Variants in MAP3K5 observed in about 807,000 individuals in gnomAD.
MAP3K5 encodes mitogen-activated protein kinase kinase kinase 5.
In MAP3K5, 56 loss-of-function variants were observed where a neutral mutation model predicts 158.7. That is an observed-to-expected ratio of 0.35 (90% confidence interval 0.28 to 0.44). MAP3K5 has a LOEUF of 0.44. Ranked by LOEUF, MAP3K5 falls within the 20% of genes least tolerant of loss-of-function variation. The pLI is 1.00. For synonymous variants in MAP3K5, 579 were observed against 601.7 expected (o/e 0.96, Z 0.55); for missense variants, 1,294 against 1,674.8 (o/e 0.77, Z 3.97).
intron 28 of MAP3K5, 29 bp downstream of exon 28, chr6:136,561,497 TGAAAGAA>T: frequency 6.8e-7 from 1 of 1,465,650 alleles, no homozygotes; most frequent in South Asian, 1.1e-5. Context: ...TGAAACGAAG[TGAAAGAA>T]TACTTGTCCC....
chr6:136,786,800 CTTTTTTTTT>C (rs11296757), intron 1 of MAP3K5, among the ~76,000 whole-genome samples: 2 of 101,186 alleles, frequency 2.0e-5, no homozygotes, highest in African/African-American at 8.1e-5. Context: ...TTAAGTTCTT[CTTTTTTTTT>C]TTTTTTTTTT....
At chr6:136,721,267 T>C (rs1781738687) in intron 1 of MAP3K5, among the ~76,000 whole-genome samples, 2 of 150,218 alleles carry the variant, frequency 1.3e-5, no homozygotes, top group African/African-American at 2.5e-5. Context: ...CAGTAACATA[T>C]ATAAAACGAG....
intron 7 of MAP3K5, among the ~76,000 whole-genome samples, chr6:136,674,948 T>C (rs770556674): frequency 2.0e-5 from 3 of 151,948 alleles, no homozygotes; most frequent in Non-Finnish European, 4.4e-5. Context: ...AAGCATTTTA[T>C]ATAGAAAAGA....
Position 136,580,344 on chromosome 6 carries a change from G to T in MAP3K5, c.3474C>A (p.Ile1158=). ...TGGCTGTCTGTACCGCCTTCCGAAT[G>T]ATACTGTCTAAGGCAAACATCCAGT... ...KPHWMFALDS[I]IRKAVQTAIT... The change falls in exon 25 of 30, where the codon ATC becomes ATA. Residue 1158 remains isoleucine, a synonymous_variant. Transcript: ENST00000359015. 1.2e-6 allele frequency: 2 copies of T among 1,613,772 alleles called. No homozygotes were observed. Among genetic ancestry groups the T allele is most frequent in the South Asian group, 1.1e-5 (1 of 91,058 alleles).
rs1197113717 is a variant in MAP3K5, at chr6:136,694,277, A to T, written c.1116T>A (p.Leu372=). Residue 372 remains leucine (L), a synonymous_variant, in exon 7 of 30, where the codon CTT becomes CTA. Transcript: ENST00000359015. ...RNLPGDRAKA[L]DIMIPMVQSE... ...TTTGCACCATGGGAATCATAATATC[A>T]AGAGCTTTTGCTCTGTCACCAGGGA... 43 of 1,612,684 alleles carry T rather than the reference A, an allele frequency of 2.7e-5. No individual in the cohort carries two copies. The highest frequency in any genetic ancestry group is 3.6e-5 in the Non-Finnish European group (43 of 1,179,858).
chr6:136,756,745 A>T (rs2114948254), intron 1 of MAP3K5, among the ~76,000 whole-genome samples: 1 of 152,290 alleles, frequency 6.6e-6, no homozygotes, highest in South Asian at 2.1e-4. Context: ...GTTTCCACAA[A>T]CTGATGGGAG....
chr6:136,605,128 A>C, intron 19 of MAP3K5, 81 bp downstream of exon 19: 1 of 1,425,212 alleles, frequency 7.0e-7, no homozygotes, highest in Non-Finnish European at 9.6e-7. Context: ...TTTATCTAAA[A>C]AAATATGACA....
rs1830301774 is a variant in MAP3K5 at position 136,557,510 on chromosome 6, AC to A, written c.*247del. On this transcript the variant is annotated 3_prime_UTR_variant, in exon 30 of 30. Transcript: ENST00000359015. ...AATGCTTAGATTAAAATCTTCCTGA[AC>A]ATTAGGGTTCTAATGTTCAGGATTA... is the stretch of plus-strand genomic sequence containing the variant. 2.7e-6 allele frequency: 1 copy of A among 364,586 alleles called. No homozygotes were observed. The highest frequency in any genetic ancestry group is 4.9e-6 in the Non-Finnish European group (1 of 202,374). The allele number at this position is 364,586 out of a possible 1,614,324, so 22.6% of individuals were successfully genotyped here.
chr6:136,737,264 T>C (rs1209886386), intron 1 of MAP3K5, among the ~76,000 whole-genome samples: 1 of 151,232 alleles, frequency 6.6e-6, no homozygotes, highest in Non-Finnish European at 1.5e-5. Flanking sequence ...GGGGCGAGGG[T>C]TGAAGAACTA....
rs557665060 is a variant in MAP3K5 at position 136,629,844 on chromosome 6, T to C, written c.2017-6863A>G. On this transcript the variant is annotated intron_variant, in intron 14 of 29. Transcript: ENST00000359015. The stretch of plus-strand genomic sequence containing the variant: ...ACTCTGTCGCCCAGGCTGGAGTGCC[T>C]AGGTTCAAGCGATTCTCCTGCTTTA... Among the ~76,000 whole-genome samples, 3 of 151,578 alleles carry C rather than the reference T, an allele frequency of 2.0e-5. No homozygotes were observed. The South Asian group carries it at 6.3e-4, about 32-fold the overall frequency.
chr6:136,636,198 G>A (rs145684394), intron 14 of MAP3K5, among the ~76,000 whole-genome samples: 7 of 152,172 alleles, frequency 4.6e-5, no homozygotes, highest in Admixed American at 1.3e-4. Flanking sequence ...TGAAGGCAGA[G>A]CAGGGTAACA....
In MAP3K5 at chr6:136,613,842, C is replaced by T. The variant is rs77910784; in HGVS notation, c.2278+317G>A. Among the ~76,000 whole-genome samples, 1,838 of 152,174 alleles carry T rather than the reference C, an allele frequency of 0.012. 29 individuals are homozygous for T. Among genetic ancestry groups the T allele is most frequent in the Non-Finnish European group, 0.017 (1,159 of 68,016 alleles). ...TGACTTTGGGTAGAAGATGTTGCCA[C>T]CCTGTTAGTCTTCAGCTTATATAAG... On this transcript the variant is annotated intron_variant, in intron 16 of 29. Transcript: ENST00000359015. The surrounding 1 kb of genome is among the most constrained non-coding windows in gnomAD (Gnocchi z 4.0).
intron 1 of MAP3K5, among the ~76,000 whole-genome samples, chr6:136,777,761 T>C (rs921732221): frequency 6.6e-6 from 1 of 152,066 alleles, no homozygotes; most frequent in African/African-American, 2.4e-5. Flanking sequence ...CATCTGCCTT[T>C]ATTATCTAAA....
chr6:136,728,709 T>G (rs1447542359), intron 1 of MAP3K5, among the ~76,000 whole-genome samples: 1 of 152,248 alleles, frequency 6.6e-6, no homozygotes, highest in Non-Finnish European at 1.5e-5. Flanking sequence ...CATTCTCATA[T>G]TGCCAAAGCA....
Position 136,612,670 on chromosome 6 carries a change from A to G in MAP3K5, c.2415+450T>C, listed in dbSNP as rs73777941. On this transcript the variant is annotated intron_variant, in intron 17 of 29. Coordinates refer to ENST00000359015, the MANE Select transcript of MAP3K5 (RefSeq NM_005923.4). ...ATCTATACCTTATAATTATAGTTAA[A>G]TCAATGAATATGTGATACTTGTGAG... Among the ~76,000 whole-genome samples the G allele has an allele frequency of 2.1e-3, 326 of 152,370 alleles. 3 individuals are homozygous for G. Among genetic ancestry groups the G allele is most frequent in the African/African-American group, 7.7e-3 (322 of 41,582 alleles).
intron 10 of MAP3K5, among the ~76,000 whole-genome samples, chr6:136,653,542 G>T (rs1778612011): frequency 6.6e-6 from 1 of 152,132 alleles, no homozygotes; most frequent in Admixed American, 6.6e-5. Flanking sequence ...GTACTAAAAG[G>T]CTGCCTTTCT....
At chr6:136,715,802 G>A (rs1781492610) in intron 2 of MAP3K5, among the ~76,000 whole-genome samples, 1 of 151,866 alleles carries the variant, frequency 6.6e-6, no homozygotes, top group East Asian at 1.9e-4. Context: ...AGGCCAACGG[G>A]GGCGGATTGC....
Position 136,621,861 on chromosome 6 carries a change from C to T in MAP3K5, c.2150+987G>A, listed in dbSNP as rs193219056. Among the ~76,000 whole-genome samples the T allele has an allele frequency of 2.1e-4, 32 of 152,094 alleles. 1 individual carries two copies. The East Asian group carries it at 5.6e-3, about 27-fold the overall frequency. ...CAGCACTTTGGGAGGCCGAGGCGGG[C>T]GGATCACGAGGTCAGGAGATCAAGA... is the stretch of plus-strand genomic sequence containing the variant. On this transcript the variant is annotated intron_variant, in intron 15 of 29. Coordinates refer to ENST00000359015, the MANE Select transcript of MAP3K5 (RefSeq NM_005923.4).
At chr6:136,579,496 A>T (rs1308315522) in intron 25 of MAP3K5, among the ~76,000 whole-genome samples, 1 of 152,210 alleles carries the variant, frequency 6.6e-6, no homozygotes, top group Non-Finnish European at 1.5e-5. Flanking sequence ...GTTCTTACAG[A>T]TGGAACAAGC....
Sources: gnomAD v4.1 joint callset for allele counts (sites outside exome capture counted in the v4.1 genomes callset) on GRCh38, gnomAD v4.1.1 for gene constraint, Gnocchi (gnomAD v3.1) non-coding constraint, MANE v1.5 for transcripts, NCBI Gene and HGNC (gene_info 2026-07-23, HGNC 2026-07-21) for gene names.